The following IMMP2L variants were observed in gnomAD, a reference collection of about 807,000 sequenced individuals.
IMMP2L encodes the protein inner mitochondrial membrane peptidase subunit 2.
IMMP2L carries 18 observed loss-of-function variants against 19.3 expected under a neutral mutation model. The observed-to-expected ratio is 0.93, with a 90% CI of 0.64 to 1.38. The LOEUF (loss-of-function observed/expected upper bound fraction) is 1.38, where lower values mean the gene tolerates loss of function less well. Among genes scored for constraint, IMMP2L ranks in the 40% most tolerant of loss-of-function variants. The pLI, the probability that IMMP2L is intolerant of heterozygous loss-of-function variation, is 0.00. For synonymous variants in IMMP2L, 76 were observed against 73.0 expected (o/e 1.04, Z -0.21); for missense variants, 233 against 218.2 (o/e 1.07, Z -0.43).
chr7:110,809,003 C>T (rs985534570), intron 5 of IMMP2L, among the ~76,000 whole-genome samples: 2 of 151,936 alleles, frequency 1.3e-5, no homozygotes, highest in African/African-American at 4.8e-5. Flanking sequence ...TGAAAATCAC[C>T]GTTAACCTTC....
intron 5 of IMMP2L, among the ~76,000 whole-genome samples, chr7:110,852,059 C>T (rs765952430): frequency 5.3e-5 from 8 of 151,996 alleles, no homozygotes; most frequent in African/African-American, 7.2e-5. Context: ...CGCTCTGACT[C>T]TTTCACAAAA....
At chr7:110,942,603 C>T (rs960982306) in intron 4 of IMMP2L, among the ~76,000 whole-genome samples, 2 of 151,676 alleles carry the variant, frequency 1.3e-5, no homozygotes, top group African/African-American at 4.8e-5. Flanking sequence ...AATCTTCCAA[C>T]AGACAAACAC....
At chr7:111,011,652 G>A (rs995668253) in intron 3 of IMMP2L, among the ~76,000 whole-genome samples, 20 of 152,236 alleles carry the variant, frequency 1.3e-4, no homozygotes, top group African/African-American at 4.8e-4. Flanking sequence ...TACTGGGCAA[G>A]GAACGAATTC....
intron 3 of IMMP2L, among the ~76,000 whole-genome samples, chr7:111,339,436 A>G (rs530471886): frequency 6.6e-6 from 1 of 152,104 alleles, no homozygotes; most frequent in Non-Finnish European, 1.5e-5. Context: ...TTATTAATAT[A>G]CACCTAATAC....
At chr7:110,880,578 T>G (rs1035622180) in intron 5 of IMMP2L, among the ~76,000 whole-genome samples, 1 of 152,022 alleles carries the variant, frequency 6.6e-6, no homozygotes, top group African/African-American at 2.4e-5. Context: ...AATAGTAGAC[T>G]TTTTTTGTCT....
chr7:111,081,934 T>C (rs1316224914), intron 3 of IMMP2L, among the ~76,000 whole-genome samples: 1 of 152,218 alleles, frequency 6.6e-6, no homozygotes, highest in Non-Finnish European at 1.5e-5. Flanking sequence ...GCCTGATATT[T>C]TAAGTAGGAG....
intron 3 of IMMP2L, among the ~76,000 whole-genome samples, chr7:110,974,023 C>A (rs773238644): frequency 6.6e-6 from 1 of 152,110 alleles, no homozygotes; most frequent in Admixed American, 6.6e-5. Flanking sequence ...CTTAATAAGT[C>A]TCTCCCAGAC....
chr7:111,460,737 T>A (rs1840063810), intron 3 of IMMP2L, among the ~76,000 whole-genome samples: 1 of 152,062 alleles, frequency 6.6e-6, no homozygotes, highest in Non-Finnish European at 1.5e-5. Flanking sequence ...CCCAACATGA[T>A]GTTCTATGTT....
In IMMP2L at chr7:111,184,867, A is replaced by G. The variant is rs114266318; in HGVS notation, c.240-221302T>C. Among the ~76,000 whole-genome samples, 347 of 152,210 alleles carry G rather than the reference A, an allele frequency of 2.3e-3. 3 individuals are homozygous for G. The highest frequency in any genetic ancestry group is 7.8e-3 in the African/African-American group (325 of 41,516). On this transcript the variant is annotated intron_variant, in intron 3 of 5. Coordinates refer to ENST00000405709, the MANE Select transcript of IMMP2L (RefSeq NM_032549.4). ...CACTACGTCACCCAACCCACCCTCA[A>G]ATTACTGCACAACAGTATTTGTATG...
chr7:111,452,632 T>A (rs1029610651), intron 3 of IMMP2L, among the ~76,000 whole-genome samples: 2 of 152,230 alleles, frequency 1.3e-5, no homozygotes, highest in Non-Finnish European at 2.9e-5. Flanking sequence ...AAAATACACA[T>A]CCGTTGACTT....
At chr7:111,475,626 T>C (rs1298132518) in intron 3 of IMMP2L, among the ~76,000 whole-genome samples, 1 of 152,120 alleles carries the variant, frequency 6.6e-6, no homozygotes, top group South Asian at 2.1e-4. Context: ...GATATGGAGA[T>C]AACCAGAACA....
At chr7:110,818,553 T>G (rs1218873816) in intron 5 of IMMP2L, among the ~76,000 whole-genome samples, 1 of 152,172 alleles carries the variant, frequency 6.6e-6, no homozygotes, top group Non-Finnish European at 1.5e-5. Flanking sequence ...GAAGTTGGTG[T>G]GGCGATTCCT....
intron 3 of IMMP2L, among the ~76,000 whole-genome samples, chr7:110,969,547 G>C (rs1447062741): frequency 6.6e-6 from 1 of 151,954 alleles, no homozygotes; most frequent in Non-Finnish European, 1.5e-5. Context: ...ATGACGTACA[G>C]ATGAAGTGGC....
intron 3 of IMMP2L, among the ~76,000 whole-genome samples, chr7:111,439,514 A>G (rs1274303329): frequency 6.6e-6 from 1 of 151,962 alleles, no homozygotes; most frequent in African/African-American, 2.4e-5. Context: ...ACTGAACTGT[A>G]ATCTATTAGA....
rs576035589 is a variant in IMMP2L at position 111,114,771 on chromosome 7, AG to A, written c.240-151207del. ...AAAAAAAAGAAAGAAAGAAAAAAAA[AG>A]AAATACATTGAAACCATTTTGAGAA... On this transcript the variant is annotated intron_variant, in intron 3 of 5. Coordinates refer to ENST00000405709, the MANE Select transcript of IMMP2L (RefSeq NM_032549.4). 3.5e-3 allele frequency among the ~76,000 whole-genome samples: 536 copies of A among 152,052 alleles called. 3 individuals carry two copies. The highest frequency in any genetic ancestry group is 0.01 in the Middle Eastern group (3 of 294).
intron 5 of IMMP2L, among the ~76,000 whole-genome samples, chr7:110,825,333 C>A (rs1463050317): frequency 1.3e-5 from 2 of 152,134 alleles, no homozygotes; most frequent in Admixed American, 6.6e-5. Flanking sequence ...TTGGAAAAAA[C>A]TACTTTAAAG....
At chr7:111,539,197 A>AAG (rs1462615873) in intron 1 of IMMP2L, among the ~76,000 whole-genome samples, 9,134 of 24,666 alleles carry the variant, frequency 0.37, 2,131 homozygotes, top group African/African-American at 0.42. Context: ...GGAAGGAGGG[A>AAG]GAAAGAAAGA....
At chr7:110,876,080 A>G (rs1295338604) in intron 5 of IMMP2L, among the ~76,000 whole-genome samples, 1 of 152,186 alleles carries the variant, frequency 6.6e-6, no homozygotes, top group East Asian at 1.9e-4. Flanking sequence ...ACATTTATTT[A>G]CAACTTCCCA....
At chr7:110,679,291 CA>C (rs1478960079) in intron 5 of IMMP2L, among the ~76,000 whole-genome samples, 1 of 152,224 alleles carries the variant, frequency 6.6e-6, no homozygotes, top group East Asian at 1.9e-4. Flanking sequence ...CCTTATTTTG[CA>C]GCTTGATTAA....
Sources: gnomAD v4.1 joint callset for allele counts (sites outside exome capture counted in the v4.1 genomes callset) on GRCh38, gnomAD v4.1.1 for gene constraint, MANE v1.5 for transcripts, NCBI Gene and HGNC (gene_info 2026-07-23, HGNC 2026-07-21) for gene names.